The following FMN2 variants were observed in gnomAD, a reference collection of about 807,000 sequenced individuals.
The protein encoded by FMN2 is formin 2, also known as formin-2.
A neutral mutation model predicts 142.3 loss-of-function variants in FMN2; 51 were observed. That is an observed-to-expected ratio of 0.36 (90% CI 0.29 to 0.45). The LOEUF (loss-of-function observed/expected upper bound fraction) is 0.45, where lower values mean the gene tolerates loss of function less well. Ranked by LOEUF, FMN2 falls within the 20% of genes least tolerant of loss-of-function variation. The pLI, the probability that FMN2 is intolerant of heterozygous loss-of-function variation, is 1.00. For missense variants in FMN2, 1,936 were observed against 2,122.8 expected (o/e 0.91, Z 1.73); for synonymous variants, 882 against 869.8 (o/e 1.01, Z -0.25).
chr1:240,323,488 C>T (rs1671052550), intron 8 of FMN2, among the ~76,000 whole-genome samples: 1 of 152,040 alleles, frequency 6.6e-6, no homozygotes, highest in Admixed American at 6.5e-5. Context: ...GAGCCATGCC[C>T]CTGGCCCAGA....
intron 1 of FMN2, among the ~76,000 whole-genome samples, chr1:240,101,747 A>G (rs56262929): frequency 6.9e-6 from 1 of 145,492 alleles, no homozygotes; most frequent in Non-Finnish European, 1.5e-5. Flanking sequence ...GGGTCTCACT[A>G]TGTTACCCAG....
At chr1:240,421,958 A>G (rs1424911830) in intron 15 of FMN2, among the ~76,000 whole-genome samples, 1 of 152,162 alleles carries the variant, frequency 6.6e-6, no homozygotes, top group Non-Finnish European at 1.5e-5. Context: ...ACACCAGGTC[A>G]TGGCTCCTGA....
intron 7 of FMN2, among the ~76,000 whole-genome samples, chr1:240,293,413 C>T (rs545708822): frequency 4.6e-5 from 7 of 152,080 alleles, no homozygotes; most frequent in Non-Finnish European, 8.8e-5. Context: ...TTTGGATTCA[C>T]TGTAAGATAT....
In FMN2 at chr1:240,092,824, G is replaced by T. The variant is rs1661038928; in HGVS notation, c.715G>T (p.Val239Phe). The T allele has an allele frequency of 4.5e-6, 7 of 1,570,926 alleles. No homozygotes were observed. In the African/African-American group the frequency reaches 8.1e-5, roughly 18 times the overall value. The change falls in exon 1 of 18, where the codon GTC becomes TTC. Residue 239 changes from valine (V) to phenylalanine (F), a missense_variant. Physicochemically the swap from Val to Phe is conservative, Grantham distance 50. Coordinates refer to ENST00000319653, the MANE Select transcript of FMN2 (RefSeq NM_020066.5). ...AEEPAAPPTA[V>F]SPQPGAFLGL... is the part of the protein sequence containing the mutation. Reference sequence around the variant, plus strand: ...GGAGCCTGCAGCGCCCCCCACTGCCGTCTCCCCTCAGCCCGGGGCCTTCCT... The same window carrying T: ...GGAGCCTGCAGCGCCCCCCACTGCCTTCTCCCCTCAGCCCGGGGCCTTCCT...
intron 14 of FMN2, among the ~76,000 whole-genome samples, chr1:240,369,880 G>A (rs1672806631): frequency 6.6e-6 from 1 of 152,126 alleles, no homozygotes; most frequent in Non-Finnish European, 1.5e-5. Flanking sequence ...TCACACATTG[G>A]GCGTTTGGGG....
intron 2 of FMN2, among the ~76,000 whole-genome samples, chr1:240,136,781 T>C (rs1380254458): frequency 6.6e-6 from 1 of 152,012 alleles, no homozygotes; most frequent in Admixed American, 6.6e-5. Context: ...GAGTATAAAA[T>C]TGGGAATCTG....
At chr1:240,333,158 C>T (rs1048559995) in intron 11 of FMN2, among the ~76,000 whole-genome samples, 2 of 151,428 alleles carry the variant, frequency 1.3e-5, no homozygotes, top group Admixed American at 6.6e-5. Context: ...TGGAACAATA[C>T]AAAAAAAGAG....
At chr1:240,136,271 A>G (rs1259491997) in intron 2 of FMN2, among the ~76,000 whole-genome samples, 1 of 152,150 alleles carries the variant, frequency 6.6e-6, no homozygotes, top group Non-Finnish European at 1.5e-5. Flanking sequence ...GCTCAATTCA[A>G]GTGCATCGTT....
chr1:240,458,592 A>T (rs886719595), intron 16 of FMN2: 1 of 152,220 alleles, frequency 6.6e-6, no homozygotes, highest in Non-Finnish European at 1.5e-5. Context: ...TGGCTTTAAT[A>T]AAAAACTTTT....
intron 1 of FMN2, among the ~76,000 whole-genome samples, chr1:240,111,567 G>A (rs1056382737): frequency 1.3e-5 from 2 of 152,092 alleles, no homozygotes; most frequent in Non-Finnish European, 2.9e-5. Flanking sequence ...AGTGTAACAT[G>A]AGGATGACCA....
intron 6 of FMN2, among the ~76,000 whole-genome samples, chr1:240,227,567 T>G (rs1667355521): frequency 6.6e-6 from 1 of 152,180 alleles, no homozygotes; most frequent in Admixed American, 6.5e-5. Context: ...ACTATAGTAA[T>G]TAAGACAATA....
chr1:240,277,650 A>G lies in FMN2; in HGVS notation c.4154-17172A>G, dbSNP rs375166002. Among the ~76,000 whole-genome samples the G allele has an allele frequency of 3.2e-3, 477 of 148,454 alleles. 3 individuals are homozygous for G. The Middle Eastern group carries it at 0.034, about 11-fold the overall frequency. ...CAGGTTCAAGTGATTCTCTTGCCTC[A>G]GCCTCCCAAGTAACTGGGATTACAG... On this transcript the variant is annotated intron_variant, in intron 7 of 17. Coordinates refer to ENST00000319653, the MANE Select transcript of FMN2 (RefSeq NM_020066.5).
intron 13 of FMN2, among the ~76,000 whole-genome samples, chr1:240,349,954 A>T (rs1572218585): frequency 6.9e-6 from 1 of 144,660 alleles, no homozygotes; most frequent in East Asian, 2.0e-4. Context: ...AGTGTTCGGT[A>T]TTTTTTTTTT....
intron 2 of FMN2, among the ~76,000 whole-genome samples, chr1:240,125,585 G>A (rs2103223699): frequency 6.6e-6 from 1 of 152,306 alleles, no homozygotes; most frequent in East Asian, 1.9e-4. Flanking sequence ...GCCATGTCTA[G>A]CACTTGCTTT....
intron 5 of FMN2, 113 bp downstream of exon 5, chr1:240,208,845 C>CT: frequency 7.3e-7 from 1 of 1,363,896 alleles, no homozygotes. Context: ...AACTCTAAAA[C>CT]TCGTCTAGAT....
intron 15 of FMN2, among the ~76,000 whole-genome samples, chr1:240,420,161 T>C (rs1240652966): frequency 6.6e-6 from 1 of 152,190 alleles, no homozygotes; most frequent in Non-Finnish European, 1.5e-5. Flanking sequence ...TGTTCAGTGA[T>C]GCTGATACCC....
chr1:240,172,201 T>TACACACACACACACACAC (rs138951858), intron 2 of FMN2, among the ~76,000 whole-genome samples: 29 of 147,218 alleles, frequency 2.0e-4, no homozygotes, highest in African/African-American at 4.2e-4. Context: ...CACATACACA[T>TACACACACACACACACAC]ACACACACAC....
intron 3 of FMN2, among the ~76,000 whole-genome samples, chr1:240,184,089 A>G (rs1665270558): frequency 6.6e-6 from 1 of 152,026 alleles, no homozygotes; most frequent in Non-Finnish European, 1.5e-5. Context: ...TACACAGCTC[A>G]TCCAAGTATG....
intron 7 of FMN2, among the ~76,000 whole-genome samples, chr1:240,266,183 C>CCT (rs10680120): frequency 0.65 from 98,736 of 151,364 alleles, 32,480 homozygotes; most frequent in East Asian, 0.84. Context: ...AATCTTTGTC[C>CCT]CTTTCTCCCC....
Sources: gnomAD v4.1 joint callset for allele counts (sites outside exome capture counted in the v4.1 genomes callset) on GRCh38, gnomAD v4.1.1 for gene constraint, MANE v1.5 for transcripts, NCBI Gene and HGNC (gene_info 2026-07-23, HGNC 2026-07-21) for gene names.